KIF27: variants seen among roughly 807,000 people sequenced by gnomAD.
KIF27 encodes kinesin family member 27, also known as kinesin-like protein KIF27.
In KIF27, 84 loss-of-function variants were observed where a neutral mutation model predicts 141.8. That is an observed-to-expected ratio of 0.59 (90% CI 0.50 to 0.71). The LOEUF (loss-of-function observed/expected upper bound fraction) is 0.71, where lower values mean the gene tolerates loss of function less well. Ranked by LOEUF, KIF27 falls within the 30% of genes least tolerant of loss-of-function variation. KIF27 has a pLI of 0.00. For missense variants in KIF27, 1,306 were observed against 1,628.4 expected (o/e 0.80, Z 3.41); for synonymous variants, 471 against 569.5 (o/e 0.83, Z 2.46).
intron 16 of KIF27, chr9:83,848,956 G>A (rs1476659586): frequency 6.6e-6 from 1 of 152,134 alleles, no homozygotes; most frequent in Admixed American, 6.6e-5. Context: ...GGGACTACAG[G>A]TGTGTGCCAC....
In KIF27 at chr9:83,908,476, G is replaced by A. The variant is rs537684585; in HGVS notation, c.475C>T (p.Arg159Ter). ...LETSMKDLHIREDEKGNTVIV... is the reference protein window; with the variant it reads ...LETSMKDLHI ...CCTGTGTTTCCTTTTTCATCTTCTC[G>A]GATGTGAAGATCCTTCATGGATGTC... The change falls in exon 3 of 18, where the codon CGA becomes TGA. Residue 159 changes from arginine to a stop codon, truncating the protein, a stop_gained. Coordinates refer to ENST00000297814, the MANE Select transcript of KIF27 (RefSeq NM_017576.4). LOFTEE classifies it high-confidence loss of function. The A allele has an allele frequency of 2.8e-5, 45 of 1,608,240 alleles. No homozygotes were observed. Among genetic ancestry groups the A allele is most frequent in the South Asian group, 2.4e-4 (22 of 89,872 alleles).
chr9:83,913,435 T>C (rs1955382378), intron 2 of KIF27, among the ~76,000 whole-genome samples: 1 of 151,854 alleles, frequency 6.6e-6, no homozygotes, highest in African/African-American at 2.4e-5. Flanking sequence ...CATCAAAAAA[T>C]AAATCCAACT....
chr9:83,916,741 G>A (rs1427895314), intron 1 of KIF27, among the ~76,000 whole-genome samples: 3 of 147,572 alleles, frequency 2.0e-5, no homozygotes, highest in Non-Finnish European at 4.4e-5. Flanking sequence ...TGGGCTCACT[G>A]CAAGCTCCAC....
At chr9:83,908,189 G>A (rs576762130) in intron 3 of KIF27, among the ~76,000 whole-genome samples, 1 of 150,340 alleles carries the variant, frequency 6.7e-6, no homozygotes, top group East Asian at 2.0e-4. Flanking sequence ...TTGAACCCAG[G>A]AGGTAGAGGT....
Position 83,903,380 on chromosome 9 carries a change from T to G in KIF27, c.1138A>C (p.Thr380Pro), listed in dbSNP as rs1318666012. Residue 380 changes from threonine to proline, a missense_variant, in exon 4 of 18, where the codon ACT becomes CCT. Physicochemically the swap from Thr to Pro is conservative, Grantham distance 38. Coordinates refer to ENST00000297814, the MANE Select transcript of KIF27 (RefSeq NM_017576.4). The part of the protein sequence containing the change: ...LQSQQAGVSQ[T>P]TQINREGSPD... ...CTCCCTTCTCGATTGATCTGGGTAG[T>G]TTGGCTGACACCAGCCTGCTGGCTT... The G allele has an allele frequency of 6.2e-7, 1 of 1,614,108 alleles. No homozygotes were observed. Among genetic ancestry groups the G allele is most frequent in the South Asian group, 1.1e-5 (1 of 91,086 alleles).
intron 5 of KIF27, among the ~76,000 whole-genome samples, chr9:83,897,836 CAT>C (rs1953431431): frequency 6.6e-6 from 1 of 151,954 alleles, no homozygotes; most frequent in African/African-American, 2.4e-5. Flanking sequence ...TAGCCAAAAA[CAT>C]ATGAAAAAAA....
intron 5 of KIF27, among the ~76,000 whole-genome samples, chr9:83,897,601 A>G (rs1228189260): frequency 6.6e-6 from 1 of 152,210 alleles, no homozygotes; most frequent in Non-Finnish European, 1.5e-5. Context: ...ATTAACCATA[A>G]AGGAAAAGAT....
intron 3 of KIF27, among the ~76,000 whole-genome samples, chr9:83,905,276 G>A (rs1391704976): frequency 2.6e-5 from 4 of 151,878 alleles, no homozygotes; most frequent in African/African-American, 9.7e-5. Context: ...CCACCACCAC[G>A]CCTGGCTAAT....
Position 83,883,847 on chromosome 9 carries a change from C to A in KIF27, c.2411G>T (p.Arg804Leu), listed in dbSNP as rs371848145. 6.8e-6 allele frequency: 11 copies of A among 1,612,900 alleles called. No homozygotes were observed. Among genetic ancestry groups the A allele is most frequent in the African/African-American group, 2.7e-5 (2 of 75,000 alleles). ...AMKVKLQKEF[R>L]KKMDAAKLRV... ...CAGCTTTGCAGCATCCATCTTTTTA[C>A]GAAACTCTTTCTGTAATTTTACCTT... Residue 804 changes from arginine to leucine, a missense_variant, in exon 10 of 18, where the codon CGT (arginine) becomes CTT (leucine). Arg to Leu is a moderately radical substitution (Grantham distance 102). Coordinates refer to ENST00000297814, the MANE Select transcript of KIF27 (RefSeq NM_017576.4).
At chr9:83,884,120 T>C (rs1588156160) in intron 9 of KIF27, 102 bp from the exon 10 acceptor site, 8 of 827,516 alleles carry the variant, frequency 9.7e-6, no homozygotes, top group South Asian at 2.1e-5. Flanking sequence ...CAGGCAGTGA[T>C]ACTATTTAAG....
rs1317241217 is a variant in KIF27, at chr9:83,915,600, A to G, written c.-9T>C. The G allele has an allele frequency of 6.3e-7, 1 of 1,581,564 alleles. No individual in the cohort carries two copies. Among genetic ancestry groups the G allele is most frequent in the Admixed American group, 1.9e-5 (1 of 53,948 alleles). On this transcript the variant is annotated 5_prime_UTR_variant, in exon 2 of 18. Coordinates refer to ENST00000297814, the MANE Select transcript of KIF27 (RefSeq NM_017576.4). Reference sequence around the variant, plus strand: ...ACTGGTATTTCTTCCATGGCAACTTAGATTTTACTAAATAGATTTTCTATT... The same window carrying G: ...ACTGGTATTTCTTCCATGGCAACTTGGATTTTACTAAATAGATTTTCTATT...
intron 4 of KIF27, among the ~76,000 whole-genome samples, chr9:83,902,776 A>G (rs1954057704): frequency 6.6e-6 from 1 of 152,186 alleles, no homozygotes; most frequent in Non-Finnish European, 1.5e-5. Flanking sequence ...AGAAAGGAGG[A>G]GGAGCCAAGA....
At chr9:83,891,094 T>C (rs1370900779) in intron 6 of KIF27, among the ~76,000 whole-genome samples, 2 of 152,166 alleles carry the variant, frequency 1.3e-5, no homozygotes, top group Non-Finnish European at 2.9e-5. Context: ...CATCCAACTA[T>C]TCCCTCCAAA....
intron 4 of KIF27, among the ~76,000 whole-genome samples, chr9:83,900,755 A>G (rs954756302): frequency 6.6e-6 from 1 of 152,058 alleles, no homozygotes; most frequent in African/African-American, 2.4e-5. Flanking sequence ...GTGTATATAT[A>G]TGTATATATC....
chr9:83,864,303 C>T (rs569380037), intron 13 of KIF27, among the ~76,000 whole-genome samples: 4 of 152,046 alleles, frequency 2.6e-5, no homozygotes, highest in Non-Finnish European at 4.4e-5. Context: ...TTTCTCTTGT[C>T]GGCATTTAGT....
chr9:83,881,860 T>C (rs1273742408), intron 10 of KIF27, among the ~76,000 whole-genome samples: 1 of 152,254 alleles, frequency 6.6e-6, no homozygotes, highest in African/African-American at 2.4e-5. Flanking sequence ...AGTGAGATAC[T>C]GTTGCCATTG....
intron 17 of KIF27, among the ~76,000 whole-genome samples, chr9:83,841,120 G>C (rs890360029): frequency 3.3e-5 from 5 of 151,964 alleles, no homozygotes; most frequent in Admixed American, 3.3e-4. Context: ...GCCCAGGTCG[G>C]GGTGCAATGT....
Position 83,834,934 on chromosome 9 carries a change from T to C in KIF27, c.*2067A>G, listed in dbSNP as rs1392741240. Among the ~76,000 whole-genome samples the C allele has an allele frequency of 6.7e-6, 1 of 148,948 alleles. No individual in the cohort carries two copies. Among genetic ancestry groups the C allele is most frequent in the Admixed American group, 6.8e-5 (1 of 14,800 alleles). On this transcript the variant is annotated 3_prime_UTR_variant, in exon 18 of 18. Transcript: ENST00000297814. Reference sequence around the variant, plus strand: ...ATACAAGTATATATATAATACTATATATATACAAGTGTTTATATACAAGTA... The same window carrying C: ...ATACAAGTATATATATAATACTATACATATACAAGTGTTTATATACAAGTA...
intron 9 of KIF27, 71 bp downstream of exon 9, chr9:83,886,970 C>A (rs1417041801): frequency 1.4e-6 from 2 of 1,446,924 alleles, no homozygotes; most frequent in Non-Finnish European, 1.8e-6. Flanking sequence ...ACTAAAGTAA[C>A]TGTTACCACA....
Sources: allele counts gnomAD v4.1 joint callset (sites outside exome capture counted in the v4.1 genomes callset), GRCh38; gene constraint gnomAD v4.1.1; transcripts MANE v1.5; gene names NCBI Gene and HGNC (gene_info 2026-07-23, HGNC 2026-07-21).